BMP6: variants seen among roughly 807,000 people sequenced by gnomAD.
BMP6 encodes bone morphogenetic protein 6.
In BMP6, 17 loss-of-function variants were observed where a neutral mutation model predicts 54.1. The ratio of observed to expected loss-of-function variants is 0.31; its 90% CI spans 0.22 to 0.47. BMP6 has a LOEUF of 0.47. BMP6 is among the 20% of genes least tolerant of loss of function. BMP6 has a pLI of 1.00. For synonymous variants in BMP6, 328 were observed against 291.2 expected (o/e 1.13, Z -1.28); for missense variants, 720 against 690.4 (o/e 1.04, Z -0.48).
intron 1 of BMP6, among the ~76,000 whole-genome samples, chr6:7,778,131 C>T (rs1262662796): frequency 6.6e-6 from 1 of 152,102 alleles, no homozygotes; most frequent in Non-Finnish European, 1.5e-5. Flanking sequence ...CATCAGAGCA[C>T]AGTAGGAAAC....
At chr6:7,737,219 T>C (rs903393209) in intron 1 of BMP6, among the ~76,000 whole-genome samples, 6 of 151,602 alleles carry the variant, frequency 4.0e-5, no homozygotes, top group African/African-American at 1.5e-4. Context: ...CATGGCACTG[T>C]CACTGGGCTT....
At chr6:7,809,826 T>C (rs1280098015) in intron 1 of BMP6, among the ~76,000 whole-genome samples, 1 of 152,212 alleles carries the variant, frequency 6.6e-6, no homozygotes, top group African/African-American at 2.4e-5. Flanking sequence ...CCTCATCGGT[T>C]TGAATGCTTA....
At chr6:7,879,281 G>A in intron 5 of BMP6, 131 bp downstream of exon 5, 1 of 956,264 alleles carries the variant, frequency 1.0e-6, no homozygotes, top group Non-Finnish European at 1.6e-6. Flanking sequence ...GAAGTCCTGA[G>A]GAGCCCTCCC....
intron 4 of BMP6, among the ~76,000 whole-genome samples, chr6:7,866,922 G>A (rs1759432906): frequency 6.6e-6 from 1 of 152,198 alleles, no homozygotes; most frequent in Non-Finnish European, 1.5e-5. Flanking sequence ...CCAGACTGGA[G>A]TGCAATGGTG....
intron 1 of BMP6, among the ~76,000 whole-genome samples, chr6:7,747,833 A>T (rs1306074699): frequency 6.7e-6 from 1 of 148,818 alleles, no homozygotes; most frequent in Non-Finnish European, 1.5e-5. Context: ...TTTTGTAGAG[A>T]TGGGGTTTCT....
In BMP6 at chr6:7,838,336, T is replaced by C. The variant is rs533693641; in HGVS notation, c.665-6804T>C. On this transcript the variant is annotated intron_variant, in intron 1 of 6. Coordinates refer to ENST00000283147, the MANE Select transcript of BMP6 (RefSeq NM_001718.6). ...CACTATTCACGGTTTCAGGCATCCA[T>C]TGGGGCCCTTGGAAGGTATCCCCCT... is the stretch of plus-strand genomic sequence containing the variant. 1.2e-4 allele frequency among the ~76,000 whole-genome samples: 18 copies of C among 152,292 alleles called. No individual in the cohort carries two copies. In the South Asian group the frequency reaches 1.2e-3, roughly 11 times the overall value.
chr6:7,798,452 G>T (rs1283087093), intron 1 of BMP6, among the ~76,000 whole-genome samples: 1 of 152,208 alleles, frequency 6.6e-6, no homozygotes, highest in Non-Finnish European at 1.5e-5. Flanking sequence ...CACCCTTCCA[G>T]TCCAGCACTG....
intron 1 of BMP6, among the ~76,000 whole-genome samples, chr6:7,736,293 G>T (rs1375262856): frequency 1.3e-5 from 2 of 152,160 alleles, no homozygotes; most frequent in Admixed American, 6.5e-5. Flanking sequence ...GGCAGGATTT[G>T]GGGGAGTAAA....
At chr6:7,864,455 C>T (rs1016322016) in intron 4 of BMP6, among the ~76,000 whole-genome samples, 2 of 152,314 alleles carry the variant, frequency 1.3e-5, no homozygotes, top group South Asian at 4.1e-4. Flanking sequence ...AGTAGGTTCT[C>T]AGGGCATATG....
intron 2 of BMP6, among the ~76,000 whole-genome samples, chr6:7,856,388 A>G (rs1324488362): frequency 2.0e-5 from 3 of 151,616 alleles, no homozygotes; most frequent in Non-Finnish European, 4.4e-5. Flanking sequence ...CTTTCATTCT[A>G]TTTGAAAAAT....
At chr6:7,833,228 T>C (rs1758818024) in intron 1 of BMP6, among the ~76,000 whole-genome samples, 1 of 152,178 alleles carries the variant, frequency 6.6e-6, no homozygotes, top group Non-Finnish European at 1.5e-5. Context: ...CACCAGACAC[T>C]TGTGACTCTT....
At chr6:7,755,097 T>C (rs920790550) in intron 1 of BMP6, among the ~76,000 whole-genome samples, 4 of 152,368 alleles carry the variant, frequency 2.6e-5, no homozygotes, top group Middle Eastern at 3.4e-3. Context: ...ATAAATAACA[T>C]AGAGTTAGGT....
intron 1 of BMP6, among the ~76,000 whole-genome samples, chr6:7,769,965 T>C (rs892019476): frequency 1.3e-5 from 2 of 152,198 alleles, no homozygotes; most frequent in African/African-American, 4.8e-5. Context: ...TCATCATATA[T>C]AATTATTTTA....
At chr6:7,759,648 G>T (rs1334798898) in intron 1 of BMP6, among the ~76,000 whole-genome samples, 1 of 122,352 alleles carries the variant, frequency 8.2e-6, no homozygotes, top group African/African-American at 3.1e-5. Flanking sequence ...TGAAATAAAA[G>T]AATTTAAAAA....
At chr6:7,727,642 T>C (rs777632606) in intron 1 of BMP6, 23 bp downstream of exon 1, 1 of 1,504,484 alleles carries the variant, frequency 6.6e-7, no homozygotes, top group Non-Finnish European at 8.8e-7. Flanking sequence ...GGTAACGTAA[T>C]GACGAGAACA....
chr6:7,834,638 CG>C (rs1208632944), intron 1 of BMP6, among the ~76,000 whole-genome samples: 1 of 150,812 alleles, frequency 6.6e-6, no homozygotes, highest in Non-Finnish European at 1.5e-5. Context: ...CCCAGGAGTT[CG>C]AGACCAGCCT....
chr6:7,745,726 G>GACAA (rs1229839154), intron 1 of BMP6, among the ~76,000 whole-genome samples: 1 of 151,930 alleles, frequency 6.6e-6, no homozygotes, highest in African/African-American at 2.4e-5. Flanking sequence ...ATGACAGGAA[G>GACAA]ATGTGGCAGC....
intron 4 of BMP6, among the ~76,000 whole-genome samples, chr6:7,863,389 G>C (rs1262698751): frequency 6.6e-6 from 1 of 152,062 alleles, no homozygotes; most frequent in African/African-American, 2.4e-5. Flanking sequence ...TTTCTTTGTT[G>C]GTGGAATTCT....
chr6:7,759,556 C>G (rs149288637), intron 1 of BMP6, among the ~76,000 whole-genome samples: 2 of 152,024 alleles, frequency 1.3e-5, no homozygotes, highest in African/African-American at 4.8e-5. Flanking sequence ...CCCTTATAAC[C>G]CTAAACTCTT....
Sources: allele counts gnomAD v4.1 joint callset (sites outside exome capture counted in the v4.1 genomes callset), GRCh38; gene constraint gnomAD v4.1.1; transcripts MANE v1.5; gene names NCBI Gene and HGNC (gene_info 2026-07-23, HGNC 2026-07-21).